Variants in DENND2B observed in about 807,000 individuals in gnomAD.
DENND2B encodes the protein DENN domain containing 2B, also known as DENN domain-containing protein 2B.
Under a neutral mutation model 116.0 loss-of-function variants are expected in DENND2B, and 32 were observed. The observed-to-expected ratio is 0.28, with a 90% confidence interval of 0.21 to 0.37. The LOEUF (loss-of-function observed/expected upper bound fraction) is 0.37. Ranked by LOEUF, DENND2B falls within the 10% of genes least tolerant of loss-of-function variation. The probability of loss-of-function intolerance (pLI) is 1.00; values close to 1 mark genes in which losing one functional copy is unlikely to be tolerated. For missense variants in DENND2B, 1,276 were observed against 1,477.7 expected, an observed-to-expected ratio of 0.86 and a Z score of 2.24; for synonymous variants, 588 against 583.9, an observed-to-expected ratio of 1.01 and a Z score of -0.10.
chr11:8,695,616 G>A, intron 18 of DENND2B, 67 bp from the exon 19 acceptor site: 3 of 1,396,388 alleles, frequency 2.1e-6, no homozygotes, highest in Non-Finnish European at 3.0e-6. Context: ...AGGCCTACAT[G>A]AAGGGAACCA....
At chr11:8,839,133 A>G (rs1473909038) in intron 4 of DENND2B, among the ~76,000 whole-genome samples, 2 of 152,220 alleles carry the variant, frequency 1.3e-5, no homozygotes, top group African/African-American at 2.4e-5. Flanking sequence ...TTGCAACATG[A>G]TAAGGTACAC....
intron 1 of DENND2B, among the ~76,000 whole-genome samples, chr11:8,790,209 C>A (rs770213303): frequency 1.3e-5 from 2 of 152,206 alleles, no homozygotes; most frequent in African/African-American, 2.4e-5. Context: ...TCTGTACCAG[C>A]ACCATTTCCT....
intron 4 of DENND2B, among the ~76,000 whole-genome samples, chr11:8,836,830 T>C (rs2653606): frequency 0.39 from 58,798 of 152,020 alleles, 11,872 homozygotes; most frequent in Non-Finnish European, 0.44. Flanking sequence ...GTCCTCCCAC[T>C]TCAGCCTCCC....
chr11:8,901,229 C>CTTTTCTTTTCTTTT (rs781408078), intron 1 of DENND2B, among the ~76,000 whole-genome samples: 24 of 83,922 alleles, frequency 2.9e-4, no homozygotes, highest in African/African-American at 4.3e-4. Flanking sequence ...CTTTTCTTTT[C>CTTTTCTTTTCTTTT]TTTTTTTTTT....
chr11:8,825,208 A>G (rs1031637445), intron 4 of DENND2B, among the ~76,000 whole-genome samples: 6 of 151,996 alleles, frequency 3.9e-5, no homozygotes, highest in Non-Finnish European at 7.4e-5. Flanking sequence ...CTTTTTAATA[A>G]CAGCCATTCT....
At chr11:8,858,977 C>G (rs1193519169) in intron 2 of DENND2B, among the ~76,000 whole-genome samples, 1 of 152,184 alleles carries the variant, frequency 6.6e-6, no homozygotes, top group African/African-American at 2.4e-5. Context: ...TACTTCAAAG[C>G]CAGGGAATCA....
intron 1 of DENND2B, among the ~76,000 whole-genome samples, chr11:8,751,034 A>G (rs774247991): frequency 1.3e-5 from 2 of 151,856 alleles, no homozygotes; most frequent in African/African-American, 2.4e-5. Flanking sequence ...GGATGCACCA[A>G]TCGGCACTCT....
At chr11:8,835,667 C>G (rs1486434550) in intron 4 of DENND2B, 5 of 152,244 alleles carry the variant, frequency 3.3e-5, no homozygotes, top group East Asian at 3.8e-4. Context: ...TTCATGACTA[C>G]TGAGAATCGG....
rs142880781 is a variant in DENND2B at position 8,714,650 on chromosome 11, T to C, written c.1902A>G (p.Lys634=). 300 of 1,614,238 alleles carry C rather than the reference T, an allele frequency of 1.9e-4. 2 individuals are homozygous for C. The African/African-American group carries it at 2.9e-3, about 16-fold the overall frequency. The change falls in exon 7 of 20, where the codon AAA becomes AAG. Residue 634 remains lysine (K), a synonymous_variant. Coordinates refer to ENST00000313726, the MANE Select transcript of DENND2B (RefSeq NM_213618.2). ...TTTCAATGCTGGACATAGACAACTT[T>C]TTTAATCTCTTCTTTCCTCTCTTGG... ...YNAKRGKKRL[K]KLSMSSIETA...
intron 2 of DENND2B, among the ~76,000 whole-genome samples, chr11:8,736,315 C>T (rs1407853526): frequency 6.6e-6 from 1 of 151,994 alleles, no homozygotes; most frequent in Non-Finnish European, 1.5e-5. Flanking sequence ...CATACCACTG[C>T]ACTCCAGCCT....
At chr11:8,889,867 C>T (rs953168778) in intron 1 of DENND2B, among the ~76,000 whole-genome samples, 1 of 152,228 alleles carries the variant, frequency 6.6e-6, no homozygotes, top group Non-Finnish European at 1.5e-5. Context: ...ACTTAAATGT[C>T]CCTGTCTGGC....
At chr11:8,893,772 T>A (rs1187085922) in intron 1 of DENND2B, among the ~76,000 whole-genome samples, 2 of 152,046 alleles carry the variant, frequency 1.3e-5, no homozygotes, top group African/African-American at 4.8e-5. Flanking sequence ...GGAAGAACAT[T>A]CCATGCTCAT....
At chr11:8,746,630 G>A (rs960845637) in intron 2 of DENND2B, among the ~76,000 whole-genome samples, 3 of 152,180 alleles carry the variant, frequency 2.0e-5, no homozygotes, top group Admixed American at 2.0e-4. Flanking sequence ...GAAAAACACT[G>A]GGAGAGAAGT....
At chr11:8,802,872 C>T (rs761153425) in intron 1 of DENND2B, among the ~76,000 whole-genome samples, 4 of 152,180 alleles carry the variant, frequency 2.6e-5, no homozygotes, top group African/African-American at 4.8e-5. Context: ...TACTGCCCTA[C>T]GCATTGGAGA....
intron 1 of DENND2B, among the ~76,000 whole-genome samples, chr11:8,892,227 G>A (rs964901145): frequency 2.0e-5 from 3 of 152,176 alleles, no homozygotes; most frequent in African/African-American, 7.2e-5. Context: ...GAGTCTCTGG[G>A]ACACATTTAA....
At chr11:8,865,507 T>C (rs1288270800) in intron 2 of DENND2B, among the ~76,000 whole-genome samples, 1 of 151,988 alleles carries the variant, frequency 6.6e-6, no homozygotes, top group Non-Finnish European at 1.5e-5. Context: ...GCTCAGCTTG[T>C]TTAGCCAGAG....
At chr11:8,719,655 T>C (rs761019240) in intron 4 of DENND2B, among the ~76,000 whole-genome samples, 1 of 152,098 alleles carries the variant, frequency 6.6e-6, no homozygotes, top group Admixed American at 6.5e-5. Flanking sequence ...TAGGGAGGTG[T>C]TGGGGATGGA....
intron 1 of DENND2B, among the ~76,000 whole-genome samples, chr11:8,801,600 C>T (rs1429070466): frequency 1.3e-5 from 2 of 151,260 alleles, no homozygotes; most frequent in Admixed American, 6.6e-5. Context: ...TTACTTGAAT[C>T]CGGAAGGTAG....
rs550077325 is a variant in DENND2B at position 8,729,996 on chromosome 11, G to A, written c.1294C>T (p.Arg432Trp). 5.0e-6 allele frequency: 8 copies of A among 1,614,020 alleles called. No individual in the cohort carries two copies. The highest frequency in any genetic ancestry group is 2.2e-5 in the East Asian group (1 of 44,900). The change falls in exon 3 of 20, where the codon CGG becomes TGG. Residue 432 changes from arginine to tryptophan, a missense_variant. Arg to Trp is a moderately radical substitution (Grantham distance 101, BLOSUM62 -3). This residue lies in a region of DENND2B where 856 missense variants were observed against 846.6 expected (regional missense o/e 1.01). Transcript: ENST00000313726. ...LPSTPAPPVTRRPKKDMRGHR... is the reference protein window; with the variant it reads ...LPSTPAPPVTWRPKKDMRGHR... ...CCACGCATGTCCTTCTTGGGTCTCC[G>A]GGTGACTGGCGGGGCTGGGGTGGAG...
Sources: allele counts gnomAD v4.1 joint callset (sites outside exome capture counted in the v4.1 genomes callset), GRCh38; gene constraint gnomAD v4.1.1; regional missense constraint gnomAD v4.1.1; transcripts MANE v1.5; gene names NCBI Gene and HGNC (gene_info 2026-07-23, HGNC 2026-07-21).